DIS3L2: variants seen among roughly 807,000 people sequenced by gnomAD.
The protein encoded by DIS3L2 is DIS3 like 3'-5' exoribonuclease 2, also known as DIS3-like exonuclease 2.
A neutral mutation model predicts 97.5 loss-of-function variants in DIS3L2; 34 were observed. That is an observed-to-expected ratio of 0.35 (90% CI 0.27 to 0.46). The LOEUF (loss-of-function observed/expected upper bound fraction) is 0.46. Among genes scored for constraint, DIS3L2 ranks in the 20% least tolerant of loss-of-function variants. The pLI is 1.00. For synonymous variants in DIS3L2, 435 were observed against 445.2 expected, an observed-to-expected ratio of 0.98 and a Z score of 0.29; for missense variants, 1,038 against 1,146.0, an observed-to-expected ratio of 0.91 and a Z score of 1.36.
At chr2:232,073,458 C>T (rs1696094449) in intron 5 of DIS3L2, among the ~76,000 whole-genome samples, 1 of 152,132 alleles carries the variant, frequency 6.6e-6, no homozygotes, top group African/African-American at 2.4e-5. Context: ...TCCATAATAC[C>T]AAGTTGATAG....
chr2:232,188,097 G>A (rs1296506896), intron 9 of DIS3L2, among the ~76,000 whole-genome samples: 4 of 152,048 alleles, frequency 2.6e-5, no homozygotes, highest in African/African-American at 7.2e-5. Flanking sequence ...CTGAGATCGC[G>A]CCATAGCCCT....
chr2:232,293,404 G>A lies in DIS3L2; in HGVS notation c.1660-6636G>A, dbSNP rs1288303978. Among the ~76,000 whole-genome samples, 4 of 152,194 alleles carry A rather than the reference G, an allele frequency of 2.6e-5. No individual in the cohort carries two copies. The highest frequency in any genetic ancestry group is 4.4e-5 in the Non-Finnish European group (3 of 68,026). The stretch of plus-strand genomic sequence containing the variant: ...TGAAGCCACCCTTGGATTCTCTGGG[G>A]GAAATACCTCTGGCATTCCAGCGAA... On this transcript the variant is annotated intron_variant, in intron 13 of 20. Transcript: ENST00000325385. This position sits in a 1 kb window ranked among gnomAD's most constrained non-coding sequence, Gnocchi z 4.6.
intron 13 of DIS3L2, among the ~76,000 whole-genome samples, chr2:232,286,681 A>G (rs1049588274): frequency 6.6e-6 from 1 of 152,204 alleles, no homozygotes; most frequent in African/African-American, 2.4e-5. Context: ...GAGGCACCTA[A>G]GGTAAAAGAG....
chr2:232,236,774 C>A (rs556479959), intron 10 of DIS3L2, among the ~76,000 whole-genome samples: 1 of 152,208 alleles, frequency 6.6e-6, no homozygotes, highest in East Asian at 1.9e-4. Flanking sequence ...TTTTTCGAGA[C>A]AAAGCCTTGC....
intron 1 of DIS3L2, among the ~76,000 whole-genome samples, chr2:231,963,050 C>T (rs1002511363): frequency 3.3e-5 from 5 of 152,076 alleles, no homozygotes; most frequent in Non-Finnish European, 5.9e-5. Flanking sequence ...CATACAACTG[C>T]ATATGTCTTT....
At chr2:232,144,424 A>T (rs1690158415) in intron 8 of DIS3L2, among the ~76,000 whole-genome samples, 1 of 151,752 alleles carries the variant, frequency 6.6e-6, no homozygotes, top group African/African-American at 2.4e-5. Flanking sequence ...CTTTCCATAT[A>T]CTCATGGTCA....
chr2:232,222,377 A>G (rs1041894188), intron 10 of DIS3L2, among the ~76,000 whole-genome samples: 1 of 152,196 alleles, frequency 6.6e-6, no homozygotes, highest in Non-Finnish European at 1.5e-5. Flanking sequence ...AGGGCCCTTG[A>G]TAATGAACCT....
At chr2:232,312,123 T>G (rs1695150724) in intron 14 of DIS3L2, among the ~76,000 whole-genome samples, 2 of 152,232 alleles carry the variant, frequency 1.3e-5, no homozygotes, top group Non-Finnish European at 2.9e-5. Flanking sequence ...TGCAAATATC[T>G]TCCACTGTGT....
rs759144528 is a variant in DIS3L2 at position 232,087,508 on chromosome 2, G to A, written c.388G>A (p.Asp130Asn). 4 of 1,612,888 alleles carry A rather than the reference G, an allele frequency of 2.5e-6. No homozygotes were observed. Among genetic ancestry groups the A allele is most frequent in the Non-Finnish European group, 3.4e-6 (4 of 1,179,478 alleles). Reference protein sequence around the residue: ...HWKVVKPESNDKETEAAYESD... With the variant: ...HWKVVKPESNNKETEAAYESD... The stretch of plus-strand genomic sequence containing the variant: ...TTAGGTAGTTAAACCAGAGAGCAAT[G>A]ACAAAGAAACAGAAGCTGCGTATGA... Residue 130 changes from aspartate to asparagine, a missense_variant, in exon 6 of 21, where the codon GAC becomes AAC. Physicochemically the swap from Asp to Asn is conservative, Grantham distance 23. Transcript: ENST00000325385.
chr2:232,048,529 G>C (rs924934545), intron 5 of DIS3L2, among the ~76,000 whole-genome samples: 1 of 152,062 alleles, frequency 6.6e-6, no homozygotes, highest in Non-Finnish European at 1.5e-5. Context: ...TCAGGAGATC[G>C]AGACCATCCT....
chr2:232,295,184 T>C (rs753930240), intron 13 of DIS3L2, among the ~76,000 whole-genome samples: 8 of 152,206 alleles, frequency 5.3e-5, no homozygotes, highest in South Asian at 2.1e-4. Context: ...TCCCTGGCAA[T>C]ACTCCCTGGC....
intron 4 of DIS3L2, among the ~76,000 whole-genome samples, chr2:232,025,944 T>G (rs1195369663): frequency 3.9e-5 from 6 of 152,160 alleles, no homozygotes; most frequent in Non-Finnish European, 8.8e-5. Flanking sequence ...AAAATGTCAC[T>G]CAATGTAGTA....
chr2:232,005,413 C>T (rs563854670), intron 1 of DIS3L2, among the ~76,000 whole-genome samples: 4 of 152,264 alleles, frequency 2.6e-5, no homozygotes, highest in Admixed American at 2.6e-4. Context: ...CTTCAGCTCT[C>T]TCCTCTTTTA....
chr2:232,196,863 C>A (rs1691770402), intron 9 of DIS3L2, among the ~76,000 whole-genome samples: 1 of 151,766 alleles, frequency 6.6e-6, no homozygotes, highest in Non-Finnish European at 1.5e-5. Flanking sequence ...TAGAAGGGAG[C>A]TGGCACCATT....
At chr2:232,030,530 C>A (rs1694776869) in intron 5 of DIS3L2, among the ~76,000 whole-genome samples, 1 of 152,122 alleles carries the variant, frequency 6.6e-6, no homozygotes, top group Admixed American at 6.6e-5. Context: ...GATTGGGTGC[C>A]TTGGCAGATA....
chr2:232,038,050 C>A (rs536775374), intron 5 of DIS3L2, among the ~76,000 whole-genome samples: 9 of 152,220 alleles, frequency 5.9e-5, no homozygotes, highest in Admixed American at 2.6e-4. Flanking sequence ...AGATCCACCT[C>A]CCAGCTTCAT....
intron 1 of DIS3L2, among the ~76,000 whole-genome samples, chr2:231,974,632 T>G (rs1693025008): frequency 6.6e-6 from 1 of 152,054 alleles, no homozygotes; most frequent in Non-Finnish European, 1.5e-5. Context: ...TAAAAAAATT[T>G]TTTTACATAG....
chr2:232,306,834 C>T (rs1038919722), intron 14 of DIS3L2, among the ~76,000 whole-genome samples: 6 of 152,248 alleles, frequency 3.9e-5, no homozygotes, highest in African/African-American at 1.4e-4. Flanking sequence ...CATACAGACC[C>T]ATCCTGTCTT....
rs183730819 is a variant in DIS3L2 at position 232,212,268 on chromosome 2, G to T, written c.1204+1863G>T. 4.6e-5 allele frequency among the ~76,000 whole-genome samples: 7 copies of T among 152,354 alleles called. No individual in the cohort carries two copies. In the East Asian group the frequency reaches 1.3e-3, roughly 29 times the overall value. On this transcript the variant is annotated intron_variant, in intron 10 of 20. Transcript: ENST00000325385. ...AAAGTGCCCCTAGGCTGAAAGCCAG[G>T]TGACCGTGGACCTCATTCCTCATAT... is the stretch of plus-strand genomic sequence containing the variant.
Sources: allele counts gnomAD v4.1 joint callset (sites outside exome capture counted in the v4.1 genomes callset), GRCh38; gene constraint gnomAD v4.1.1; non-coding constraint Gnocchi (gnomAD v3.1); transcripts MANE v1.5; gene names NCBI Gene and HGNC (gene_info 2026-07-23, HGNC 2026-07-21).